JARID2: variants seen among roughly 807,000 people sequenced by gnomAD.
JARID2 encodes jumonji and AT-rich interaction domain containing 2.
A neutral mutation model predicts 125.6 loss-of-function variants in JARID2; 21 were observed. That is an observed-to-expected ratio of 0.17 (90% CI 0.12 to 0.24). The LOEUF is 0.24. Among genes scored for constraint, JARID2 ranks in the 10% least tolerant of loss-of-function variants. The probability of loss-of-function intolerance (pLI) is 1.00; values close to 1 mark genes in which losing one functional copy is unlikely to be tolerated. For synonymous variants in JARID2, 736 were observed against 661.6 expected, an observed-to-expected ratio of 1.11 and a Z score of -1.73; for missense variants, 1,303 against 1,639.6, an observed-to-expected ratio of 0.79 and a Z score of 3.55.
intron 1 of JARID2, among the ~76,000 whole-genome samples, chr6:15,372,065 A>G (rs1314839545): frequency 6.6e-6 from 1 of 152,188 alleles, no homozygotes; most frequent in Non-Finnish European, 1.5e-5. Context: ...GTGCAGCTTA[A>G]GTTATTTAGG....
chr6:15,469,202 C>T (rs1768897402), intron 5 of JARID2, among the ~76,000 whole-genome samples: 1 of 151,564 alleles, frequency 6.6e-6, no homozygotes, highest in East Asian at 2.0e-4. Flanking sequence ...TTGAGTATCA[C>T]AGCAAAGAAA....
chr6:15,381,089 C>G (rs535124580), intron 2 of JARID2, among the ~76,000 whole-genome samples: 1 of 151,420 alleles, frequency 6.6e-6, no homozygotes, highest in Non-Finnish European at 1.5e-5. Flanking sequence ...CGCGGTGGCT[C>G]ACACCTGTAA....
At chr6:15,517,109 G>A (rs1771599965) in intron 16 of JARID2, 52 bp from the exon 17 acceptor site, 2 of 1,389,674 alleles carry the variant, frequency 1.4e-6, no homozygotes, top group African/African-American at 2.8e-5. Context: ...TACCCTCCCA[G>A]GGCGCTGTGG....
intron 4 of JARID2, among the ~76,000 whole-genome samples, chr6:15,452,859 A>C (rs1424131676): frequency 6.6e-6 from 1 of 152,234 alleles, no homozygotes; most frequent in Non-Finnish European, 1.5e-5. Context: ...TTCTGGAGGA[A>C]TGATAGAAAA....
At chr6:15,517,095 A>G in intron 16 of JARID2, 66 bp from the exon 17 acceptor site, 3 of 1,249,176 alleles carry the variant, frequency 2.4e-6, no homozygotes, top group Non-Finnish European at 3.5e-6. Context: ...GCGTGCTCCT[A>G]CCTTACCCTC....
chr6:15,285,592 GTTAAACCCAGATAGAGGGTATCATTGCT>G (rs1471227431), intron 1 of JARID2, among the ~76,000 whole-genome samples: 10 of 152,112 alleles, frequency 6.6e-5, no homozygotes, highest in Admixed American at 2.6e-4. Context: ...ATGAGGTAAA[GTTAAACCCAGATAGAGGGTATCATTGCT>G]TTCATGCGTG....
chr6:15,293,707 A>C (rs1252809845), intron 1 of JARID2, among the ~76,000 whole-genome samples: 1 of 152,196 alleles, frequency 6.6e-6, no homozygotes, highest in Non-Finnish European at 1.5e-5. Flanking sequence ...GAAGATGAAG[A>C]GTCCTCACAG....
intron 1 of JARID2, among the ~76,000 whole-genome samples, chr6:15,353,694 C>T (rs1236457161): frequency 6.6e-6 from 1 of 152,042 alleles, no homozygotes; most frequent in Non-Finnish European, 1.5e-5. Context: ...TAAACCCCTT[C>T]AACCAATACT....
In JARID2 at chr6:15,521,685, T is replaced by C. The variant is rs1771862100; in HGVS notation, c.*1434T>C. 2.0e-5 allele frequency: 3 copies of C among 152,248 alleles called. No homozygotes were observed. Among genetic ancestry groups the C allele is most frequent in the African/African-American group, 7.2e-5 (3 of 41,466 alleles). The allele number at this position is 152,248 out of a possible 1,614,324, so 9.4% of individuals were successfully genotyped here. A position where few individuals can be genotyped will look rare whatever the true frequency, so the allele number is the denominator to read the frequency against. On this transcript the variant is annotated 3_prime_UTR_variant, in exon 18 of 18. Transcript: ENST00000341776. ...TTCATCAATCCCGTAGCTACCCATATTGCACTGAGCTTGCCAGTGGTGACT... is the reference window on the plus strand; with the variant it reads ...TTCATCAATCCCGTAGCTACCCATACTGCACTGAGCTTGCCAGTGGTGACT...
chr6:15,441,282 C>T (rs1001585261), intron 3 of JARID2, among the ~76,000 whole-genome samples: 13 of 152,142 alleles, frequency 8.5e-5, no homozygotes, highest in African/African-American at 2.9e-4. Flanking sequence ...TTACTAATAG[C>T]GTTGATAGAC....
intron 1 of JARID2, among the ~76,000 whole-genome samples, chr6:15,316,002 G>C (rs1033327703): frequency 1.3e-5 from 2 of 151,812 alleles, no homozygotes; most frequent in Non-Finnish European, 2.9e-5. Context: ...GTTTACACGA[G>C]TCCTGCTTCC....
chr6:15,281,156 C>T (rs746613602), intron 1 of JARID2, among the ~76,000 whole-genome samples: 4 of 152,082 alleles, frequency 2.6e-5, no homozygotes, highest in African/African-American at 4.8e-5. Context: ...GAGCCCAATA[C>T]GCATGTGAGA....
chr6:15,513,462 G>C (rs753341983), intron 16 of JARID2, 40 bp downstream of exon 16: 1 of 1,550,998 alleles, frequency 6.4e-7, no homozygotes, highest in Non-Finnish European at 8.8e-7. Flanking sequence ...CGCATGTAGT[G>C]CTTGGCCTGA....
At chr6:15,361,892 C>CCT (rs1491508837) in intron 1 of JARID2, among the ~76,000 whole-genome samples, 20 of 121,176 alleles carry the variant, frequency 1.7e-4, no homozygotes, top group African/African-American at 5.3e-4. Context: ...TGGGAGCCCC[C>CCT]TTTTTTTTTT....
intron 1 of JARID2, among the ~76,000 whole-genome samples, chr6:15,371,051 G>A (rs1351311683): frequency 1.3e-5 from 2 of 152,324 alleles, no homozygotes; most frequent in South Asian, 4.1e-4. Flanking sequence ...GAATTTTAAT[G>A]TGTAGCATTT....
At chr6:15,507,045 G>A in intron 9 of JARID2, 91 bp from the exon 10 acceptor site, 1 of 790,232 alleles carries the variant, frequency 1.3e-6, no homozygotes, top group East Asian at 2.4e-5. Flanking sequence ...GTGTGCACCA[G>A]GCATTCGTGT....
chr6:15,456,008 A>G (rs1374354600), intron 4 of JARID2, among the ~76,000 whole-genome samples: 2 of 152,202 alleles, frequency 1.3e-5, no homozygotes, highest in Non-Finnish European at 2.9e-5. Context: ...TCTGTTGATT[A>G]TGGAATTTAG....
intron 3 of JARID2, among the ~76,000 whole-genome samples, chr6:15,420,960 C>T (rs1037268613): frequency 6.6e-6 from 1 of 152,232 alleles, no homozygotes; most frequent in Non-Finnish European, 1.5e-5. Context: ...TCTTGGGTAG[C>T]TTCCTAACAC....
intron 1 of JARID2, among the ~76,000 whole-genome samples, chr6:15,323,700 C>G (rs1762431502): frequency 6.6e-6 from 1 of 152,090 alleles, no homozygotes; most frequent in South Asian, 2.1e-4. Flanking sequence ...CCGAAGCAGG[C>G]AGATCGCAAC....
Sources: gnomAD v4.1 joint callset for allele counts (sites outside exome capture counted in the v4.1 genomes callset) on GRCh38, gnomAD v4.1.1 for gene constraint, MANE v1.5 for transcripts, NCBI Gene and HGNC (gene_info 2026-07-23, HGNC 2026-07-21) for gene names.